ADGRL2: variants seen among roughly 807,000 people sequenced by gnomAD.
ADGRL2 encodes the protein adhesion G protein-coupled receptor L2, also known as calcium-independent alpha-latrotoxin receptor 2.
In ADGRL2, 44 loss-of-function variants were observed where a neutral mutation model predicts 157.4. The observed-to-expected ratio is 0.28, with a 90% CI of 0.22 to 0.36. The LOEUF (loss-of-function observed/expected upper bound fraction) is 0.36, where lower values mean the gene tolerates loss of function less well. Among genes scored for constraint, ADGRL2 ranks in the 10% least tolerant of loss-of-function variants. The pLI is 1.00. For synonymous variants in ADGRL2, 585 were observed against 624.7 expected, an observed-to-expected ratio of 0.94 and a Z score of 0.95; for missense variants, 1,510 against 1,768.9, an observed-to-expected ratio of 0.85 and a Z score of 2.63.
At chr1:81,698,926 A>T (rs957086840), upstream of ADGRL2, among the ~76,000 whole-genome samples, 1 of 152,194 alleles carries the variant, frequency 6.6e-6, no homozygotes, top group Non-Finnish European at 1.5e-5. Context: ...AAAATAAATT[A>T]ACTGTCTACT....
intron 17 of ADGRL2, among the ~76,000 whole-genome samples, chr1:81,976,477 C>A (rs910212909): frequency 1.7e-4 from 26 of 152,040 alleles, no homozygotes; most frequent in South Asian, 1.5e-3. Context: ...AGAATTCAGA[C>A]ACTTGTAATT....
At chr1:81,418,455 TTA>T (rs946702371) in intron 1 of ADGRL2, among the ~76,000 whole-genome samples, 19 of 152,214 alleles carry the variant, frequency 1.2e-4, no homozygotes, top group African/African-American at 4.6e-4. Context: ...AAAAATGAAT[TTA>T]AATAAGATTC....
chr1:81,448,038 G>C lies in ADGRL2; in HGVS notation c.-248+2949G>C, dbSNP rs145757725. 4.6e-5 allele frequency among the ~76,000 whole-genome samples: 7 copies of C among 150,914 alleles called. No homozygotes were observed. The East Asian group carries it at 1.4e-3, about 30-fold the overall frequency. ...CCTTCACATTCTGCCATGATTGTAA[G>C]TTTCCTGAGGCCTCCCAAGAAGATC... is the stretch of plus-strand genomic sequence containing the variant. On this transcript the variant is annotated intron_variant, in intron 2 of 24. Transcript: ENST00000370721.
chr1:81,481,823 T>C (rs910185532), intron 2 of ADGRL2, among the ~76,000 whole-genome samples: 2 of 152,200 alleles, frequency 1.3e-5, no homozygotes. Context: ...ATCCTGCTCC[T>C]TAACTTCACC....
At chr1:81,762,960 G>A (rs2085941518) in intron 2 of ADGRL2, among the ~76,000 whole-genome samples, 1 of 150,052 alleles carries the variant, frequency 6.7e-6, no homozygotes, top group African/African-American at 2.5e-5. Context: ...GCTGAGGCAG[G>A]AGAATGGCGT....
intron 1 of ADGRL2, among the ~76,000 whole-genome samples, chr1:81,808,128 T>C (rs562554527): frequency 1.4e-4 from 22 of 152,092 alleles, no homozygotes; most frequent in South Asian, 2.1e-4. Context: ...TTAAATACAA[T>C]TTGTTTAATT....
In ADGRL2 at chr1:81,888,729, A is replaced by G. The variant is rs915355180; in HGVS notation, c.74-18288A>G. On this transcript the variant is annotated intron_variant, in intron 2 of 23. Transcript: ENST00000686636. ...GGCCTCCCAAAGTGCTGGGATTACA[A>G]GTGTGAACCACTGCGCCCGGCCTGC... Among the ~76,000 whole-genome samples, 10 of 152,050 alleles carry G rather than the reference A, an allele frequency of 6.6e-5. No homozygotes were observed. The East Asian group carries it at 1.2e-3, about 18-fold the overall frequency.
intron 1 of ADGRL2, among the ~76,000 whole-genome samples, chr1:81,410,270 A>G (rs1163709550): frequency 6.6e-6 from 1 of 152,254 alleles, no homozygotes; most frequent in Non-Finnish European, 1.5e-5. Context: ...GTAAAGAGTT[A>G]ACAGAGAAGG....
At chr1:81,569,788 T>A (rs964573481) in intron 2 of ADGRL2, among the ~76,000 whole-genome samples, 1 of 152,148 alleles carries the variant, frequency 6.6e-6, no homozygotes, top group African/African-American at 2.4e-5. Context: ...CCAGCCCTGA[T>A]GACAGAGCCA....
intron 1 of ADGRL2, among the ~76,000 whole-genome samples, chr1:81,832,264 C>T (rs1321218599): frequency 6.6e-6 from 1 of 152,130 alleles, no homozygotes; most frequent in Non-Finnish European, 1.5e-5. Flanking sequence ...TCCTTAGCCT[C>T]CTGTGTAGCT....
chr1:81,609,295 C>T (rs765236349), intron 3 of ADGRL2, among the ~76,000 whole-genome samples: 12 of 152,150 alleles, frequency 7.9e-5, no homozygotes, highest in African/African-American at 2.9e-4. Context: ...CCATCTTGGC[C>T]TCTCAAAGTG....
chr1:81,459,812 G>GTGTA (rs1256979945), intron 2 of ADGRL2, among the ~76,000 whole-genome samples: 3 of 144,668 alleles, frequency 2.1e-5, no homozygotes, highest in Non-Finnish European at 3.0e-5. Context: ...GTATGTGTTT[G>GTGTA]TATATATATA....
intron 2 of ADGRL2, among the ~76,000 whole-genome samples, chr1:81,476,327 C>CT (rs766885308): frequency 2.9e-4 from 44 of 152,120 alleles, no homozygotes; most frequent in Non-Finnish European, 5.0e-4. Flanking sequence ...GTGAGGTAGT[C>CT]TAAGTAAAGC....
intron 1 of ADGRL2, among the ~76,000 whole-genome samples, chr1:81,307,206 C>T (rs1414691159): frequency 2.0e-5 from 3 of 152,152 alleles, no homozygotes; most frequent in Non-Finnish European, 4.4e-5. Context: ...GTTTGTATAA[C>T]ACTGTTTGAG....
At chr1:81,475,645 A>T (rs11585006) in intron 2 of ADGRL2, among the ~76,000 whole-genome samples, 26,710 of 152,112 alleles carry the variant, frequency 0.18, 2,485 homozygotes, top group East Asian at 0.31. Context: ...AGAAAAGCAA[A>T]GATCTCTCAT....
chr1:81,537,815 T>A (rs1048043895), intron 2 of ADGRL2, among the ~76,000 whole-genome samples: 6 of 151,906 alleles, frequency 3.9e-5, no homozygotes, highest in Admixed American at 2.6e-4. Context: ...TTCTCCTGCC[T>A]CAGCCTCCCA....
chr1:81,645,413 A>T (rs1570722028), intron 3 of ADGRL2, among the ~76,000 whole-genome samples: 3 of 151,696 alleles, frequency 2.0e-5, no homozygotes, highest in East Asian at 1.9e-4. Context: ...AAAAAAAAAA[A>T]AAAAAATTAA....
rs2094601670 is a variant in ADGRL2, at chr1:81,907,241, A to G, written c.287+11A>G. 1 of 1,598,628 alleles carries G rather than the reference A, an allele frequency of 6.3e-7. No individual in the cohort carries two copies. Among genetic ancestry groups the G allele is most frequent in the African/African-American group, 1.3e-5 (1 of 74,604 alleles). Reference sequence around the variant, plus strand: ...AATTATGACTCAAAGGTAAATATTCATGTGTTAATGTCCCATTTGAGCTAT... The same window carrying G: ...AATTATGACTCAAAGGTAAATATTCGTGTGTTAATGTCCCATTTGAGCTAT... On this transcript the variant is annotated intron_variant, in intron 3 of 23. Coordinates refer to ENST00000686636, the MANE Select transcript of ADGRL2 (RefSeq NM_001366006.2).
chr1:81,882,630 C>A (rs1262733329), intron 2 of ADGRL2, among the ~76,000 whole-genome samples: 2 of 152,142 alleles, frequency 1.3e-5, no homozygotes, highest in Non-Finnish European at 2.9e-5. Flanking sequence ...CCACAATCCC[C>A]TCTCAACCAG....
Sources: allele counts gnomAD v4.1 joint callset (sites outside exome capture counted in the v4.1 genomes callset), GRCh38; gene constraint gnomAD v4.1.1; transcripts MANE v1.5; gene names NCBI Gene and HGNC (gene_info 2026-07-23, HGNC 2026-07-21).